Variants in ABCA7 observed in about 807,000 individuals in gnomAD.
ABCA7 encodes ATP binding cassette subfamily A member 7, also known as phospholipid-transporting ATPase ABCA7.
In ABCA7, 261 loss-of-function variants were observed where a neutral mutation model predicts 227.6. The ratio of observed to expected loss-of-function variants is 1.15; its 90% CI spans 1.04 to 1.27. ABCA7 has a LOEUF of 1.27. Ranked by LOEUF, ABCA7 falls within the 50% of genes most tolerant of loss-of-function variation. The pLI is 0.00. For synonymous variants in ABCA7, 1,488 were observed against 1,279.7 expected (o/e 1.16, Z -3.47); for missense variants, 3,331 against 2,924.5 (o/e 1.14, Z -3.21).
rs1253784168 is a variant in ABCA7, at chr19:1,056,948, T to C, written c.4628T>C (p.Val1543Ala). 1.9e-6 allele frequency: 3 copies of C among 1,613,922 alleles called. No individual in the cohort carries two copies. The highest frequency in any genetic ancestry group is 3.3e-5 in the Admixed American group (2 of 59,994). ...GACGTCCTCGTCTCCATCTGTGTGG[T>C]CTTTGCCATGTCCTTTGTCCCGGCC... ...SVDVLVSICV[V>A]FAMSFVPASF... Residue 1543 changes from valine (V) to alanine (A), a missense_variant, in exon 34 of 47, where the codon GTC becomes GCC. By Grantham distance (64) the Val-to-Ala change is moderately conservative. Coordinates refer to ENST00000263094, the MANE Select transcript of ABCA7 (RefSeq NM_019112.4). This position sits in a 1 kb window ranked among gnomAD's most constrained non-coding sequence, Gnocchi z 4.3.
In ABCA7 at chr19:1,042,172, C is replaced by A; in HGVS notation, c.411C>A (p.Ser137Arg). Reference sequence around the variant, plus strand: ...TCGCCACGCTGAGGGCTGCACGCAGCACGGGTGAGGAGGCCGGGGGGCCTC... The same window carrying A: ...TCGCCACGCTGAGGGCTGCACGCAGAACGGGTGAGGAGGCCGGGGGGCCTC... Reference protein sequence around the residue: ...KLIATLRAARSTAQPQPTKQS... With the variant: ...KLIATLRAARRTAQPQPTKQS... Residue 137 changes from serine to arginine, a missense_variant, in exon 5 of 47, where the codon AGC (serine) becomes AGA (arginine). By Grantham distance (110) the Ser-to-Arg change is moderately radical. Coordinates refer to ENST00000263094, the MANE Select transcript of ABCA7 (RefSeq NM_019112.4). The A allele has an allele frequency of 1.2e-6, 2 of 1,601,066 alleles. No individual in the cohort carries two copies. Among genetic ancestry groups the A allele is most frequent in the East Asian group, 2.2e-5 (1 of 44,790 alleles).
At position 1,048,971 on chromosome 19, in the gene ABCA7, T is replaced by C. The variant is rs778311659; in HGVS notation, c.2346T>C (p.Ser782=). ...GGTGCGGACCTCGGCCCCCCAAGAG[T>C]CCAGCCCCTTGCCCCACCCCGCTGG... ...SYWCGPRPPK[S]PAPCPTPLDP... Residue 782 remains serine, a synonymous_variant, in exon 17 of 47, where the codon AGT becomes AGC. Transcript: ENST00000263094. 1.2e-6 allele frequency: 2 copies of C among 1,603,188 alleles called. No homozygotes were observed. The highest frequency in any genetic ancestry group is 1.7e-6 in the Non-Finnish European group (2 of 1,175,640).
In ABCA7 at chr19:1,055,132, A is replaced by C; in HGVS notation, c.3986A>C (p.Lys1329Thr). The change falls in exon 30 of 47, where the codon AAG becomes ACG. Residue 1329 changes from lysine to threonine, a missense_variant. Physicochemically the swap from Lys to Thr is moderately conservative, Grantham distance 78. Coordinates refer to ENST00000263094, the MANE Select transcript of ABCA7 (RefSeq NM_019112.4). Reference sequence around the variant, plus strand: ...CCAGAAGTTCCTGCTGAAGTGGCCAAGGTCTTGGCCAGTGGCAACTGGACC... The same window carrying C: ...CCAGAAGTTCCTGCTGAAGTGGCCACGGTCTTGGCCAGTGGCAACTGGACC... The part of the protein sequence containing the change: ...SAPEVPAEVA[K>T]VLASGNWTPE... 6.2e-7 allele frequency: 1 copy of C among 1,612,902 alleles called. No individual in the cohort carries two copies. Among genetic ancestry groups the C allele is most frequent in the South Asian group, 1.1e-5 (1 of 91,066 alleles).
At position 1,062,293 on chromosome 19, in the gene ABCA7, C is replaced by G; in HGVS notation, c.5692C>G (p.Pro1898Ala). 1 of 1,606,886 alleles carries G rather than the reference C, an allele frequency of 6.2e-7. No individual in the cohort carries two copies. The highest frequency in any genetic ancestry group is 1.1e-5 in the South Asian group (1 of 91,044). Residue 1898 changes from proline (P) to alanine (A), a missense_variant, in exon 42 of 47, where the codon CCG becomes GCG. Transcript: ENST00000263094. Reference sequence around the variant, plus strand: ...GCTGCTTGCGCGCCTGCGCGGTGTCCCGGAGGCCCAGGTTGCCCAGGTGAG... The same window carrying G: ...GCTGCTTGCGCGCCTGCGCGGTGTCGCGGAGGCCCAGGTTGCCCAGGTGAG... ...LELLARLRGV[P>A]EAQVAQTAGS...
intron 43 of ABCA7, 36 bp from the exon 44 acceptor site, chr19:1,063,724 C>T (rs2042841284): frequency 1.9e-6 from 3 of 1,551,284 alleles, no homozygotes; most frequent in African/African-American, 1.4e-5. Context: ...GCGACGGAGG[C>T]GGGGCCTTGC....
Position 1,054,029 on chromosome 19 carries a change from T to C in ABCA7, c.3496T>C (p.Cys1166Arg), listed in dbSNP as rs1400230470. 3 of 1,613,168 alleles carry C rather than the reference T, an allele frequency of 1.9e-6. No homozygotes were observed. Among genetic ancestry groups the C allele is most frequent in the East Asian group, 2.2e-5 (1 of 44,890 alleles). The change falls in exon 26 of 47, where the codon TGC (cysteine) becomes CGC (arginine). Residue 1166 changes from cysteine to arginine, a missense_variant. By Grantham distance (180) the Cys-to-Arg change is radical (BLOSUM62 -3). Coordinates refer to ENST00000263094, the MANE Select transcript of ABCA7 (RefSeq NM_019112.4). This position sits in a 1 kb window ranked among gnomAD's most constrained non-coding sequence, Gnocchi z 4.8. Reference sequence around the variant, plus strand: ...AGATGGCAGCTGCGGGCAGCACCTATGCACAGGCATTGCTGGCCTAGACGT... The same window carrying C: ...AGATGGCAGCTGCGGGCAGCACCTACGCACAGGCATTGCTGGCCTAGACGT... The part of the protein sequence containing the change: ...MEDGSCGQHL[C>R]TGIAGLDVTL...
At chr19:1,055,853 C>G (rs997504679) in intron 30 of ABCA7, 54 bp from the exon 31 acceptor site, 12 of 1,505,416 alleles carry the variant, frequency 8.0e-6, no homozygotes, top group Middle Eastern at 1.8e-4. Flanking sequence ...CTCACCATCT[C>G]TCTCTCTGTC....
chr19:1,051,701 C>T (rs1336768398), intron 21 of ABCA7, 115 bp downstream of exon 21: 10 of 1,151,136 alleles, frequency 8.7e-6, no homozygotes, highest in Non-Finnish European at 1.2e-5. Context: ...CCACTTGTTG[C>T]TATGGCATTT....
Position 1,064,991 on chromosome 19 carries a change from G to A in ABCA7, c.6105G>A (p.Ala2035=). 1 of 1,555,460 alleles carries A rather than the reference G, an allele frequency of 6.4e-7. No homozygotes were observed. Residue 2035 remains alanine (A), a synonymous_variant, in exon 46 of 47, where the codon GCG becomes GCA. Coordinates refer to ENST00000263094, the MANE Select transcript of ABCA7 (RefSeq NM_019112.4). ...RVPAARSQPA[A]AFVAAEFPGA... ...CCGCCGCAAGGTCCCAGCCGGCAGC[G>A]GCCTTCGTGGCGGCCGAGTTCCCTG...
chr19:1,041,161 ACTCCACCCCTGGG>A, intron 1 of ABCA7, 51 bp from the exon 2 acceptor site: 1 of 622,442 alleles, frequency 1.6e-6, no homozygotes, highest in East Asian at 2.7e-5. Flanking sequence ...CCATTGGTTT[ACTCCACCCCTGGG>A]GTAGCGGAGC....
In ABCA7 at chr19:1,055,304, C is replaced by A. The variant is rs1568372241; in HGVS notation, c.4158C>A (p.Asn1386Lys). The part of the protein sequence containing the change: ...GEVVQNLTGR[N>K]LSDFLVKTYP... The stretch of plus-strand genomic sequence containing the variant: ...TGGTTCAGAACCTGACAGGCCGGAA[C>A]CTGTCTGACTTCCTGGTCAAGACCT... Residue 1386 changes from asparagine (N) to lysine (K), a missense_variant, in exon 30 of 47, where the codon AAC (asparagine) becomes AAA (lysine). By Grantham distance (94) the Asn-to-Lys change is moderately conservative. Transcript: ENST00000263094. The A allele has an allele frequency of 1.1e-5, 18 of 1,604,616 alleles. No individual in the cohort carries two copies. Among genetic ancestry groups the A allele is most frequent in the Non-Finnish European group, 1.5e-5 (18 of 1,177,300 alleles).
At position 1,045,055 on chromosome 19, in the gene ABCA7, G is replaced by C; in HGVS notation, c.1269G>C (p.Ser423=). ...EAAPSEAALV[S]RALQLLAEHR... is the part of the protein sequence containing the mutation. ...CACCCTCAGAGGCAGCCCTGGTGTC[G>C]CGGGCCCTGCAACTGCTCGCGGAAC... The change falls in exon 12 of 47, where the codon TCG becomes TCC. Residue 423 remains serine, a synonymous_variant. Coordinates refer to ENST00000263094, the MANE Select transcript of ABCA7 (RefSeq NM_019112.4). 1 of 1,612,846 alleles carries C rather than the reference G, an allele frequency of 6.2e-7. No individual in the cohort carries two copies. Among genetic ancestry groups the C allele is most frequent in the Non-Finnish European group, 8.5e-7 (1 of 1,179,978 alleles).
In ABCA7 at chr19:1,048,991, C is replaced by T. The variant is rs774301767; in HGVS notation, c.2366C>T (p.Pro789Leu). 14 of 1,593,386 alleles carry T rather than the reference C, an allele frequency of 8.8e-6. No individual in the cohort carries two copies. The highest frequency in any genetic ancestry group is 3.4e-5 in the South Asian group (3 of 88,472). Residue 789 changes from proline to leucine, a missense_variant, in exon 17 of 47, where the codon CCG becomes CTG. Coordinates refer to ENST00000263094, the MANE Select transcript of ABCA7 (RefSeq NM_019112.4). Reference sequence around the variant, plus strand: ...AAGAGTCCAGCCCCTTGCCCCACCCCGCTGGACCCAAAGGGTGAGGCACTA... The same window carrying T: ...AAGAGTCCAGCCCCTTGCCCCACCCTGCTGGACCCAAAGGGTGAGGCACTA... ...PPKSPAPCPT[P>L]LDPKVLVEEA...
At chr19:1,060,583 G>C (rs576615260) in intron 40 of ABCA7, among the ~76,000 whole-genome samples, 2 of 139,540 alleles carry the variant, frequency 1.4e-5, no homozygotes, top group African/African-American at 5.4e-5. Context: ...GCAGTGTCAC[G>C]ATCTCGGCTC....
In ABCA7 at chr19:1,041,992, T is replaced by A; in HGVS notation, c.302+20T>A. ...CTCCCTGTGAGCCAGAGGCAGTGGG[T>A]GCGGCCGGCCTGCAAACTCGGGGCT... On this transcript the variant is annotated intron_variant, in intron 4 of 46. Transcript: ENST00000263094. 6.3e-7 allele frequency: 1 copy of A among 1,576,742 alleles called. No individual in the cohort carries two copies. The highest frequency in any genetic ancestry group is 8.6e-7 in the Non-Finnish European group (1 of 1,166,506).
At position 1,047,186 on chromosome 19, in the gene ABCA7, G is replaced by C. The variant is rs148131395; in HGVS notation, c.1875G>C (p.Pro625=). ...KLGDILPYSH[P]GVVFLFLAAF... ...GAGACATCCTCCCCTACAGCCACCCGGGCGTGGTCTTCCTGTTCTTGGCAG... is the reference window on the plus strand; with the variant it reads ...GAGACATCCTCCCCTACAGCCACCCCGGCGTGGTCTTCCTGTTCTTGGCAG... Residue 625 remains proline (P), a synonymous_variant, in exon 15 of 47, where the codon CCG becomes CCC. Coordinates refer to ENST00000263094, the MANE Select transcript of ABCA7 (RefSeq NM_019112.4). The C allele has an allele frequency of 6.6e-5, 106 of 1,605,310 alleles. No homozygotes were observed. In the African/African-American group the frequency reaches 1.2e-3, roughly 18 times the overall value.
At chr19:1,058,468 C>A in intron 37 of ABCA7, 150 bp from the exon 38 acceptor site, 5 of 1,423,496 alleles carry the variant, frequency 3.5e-6, no homozygotes, top group South Asian at 2.7e-5. Context: ...TCACAAGAGG[C>A]CTCTTCTGTT....
rs750578569 is a variant in ABCA7 at position 1,056,818 on chromosome 19, A to T, written c.4587-89A>T. The T allele has an allele frequency of 2.8e-6, 4 of 1,412,410 alleles. No homozygotes were observed. Among genetic ancestry groups the T allele is most frequent in the Non-Finnish European group, 3.9e-6 (4 of 1,026,428 alleles). 87.5% of individuals were successfully genotyped at this position (1,412,410 alleles called of 1,614,324 possible). ...TCTGCCACTGCTGACTGCCCCATAGACCTTTGTCCCATCAATGGCGTGTTC... is the reference window on the plus strand; with the variant it reads ...TCTGCCACTGCTGACTGCCCCATAGTCCTTTGTCCCATCAATGGCGTGTTC... On this transcript the variant is annotated intron_variant, in intron 33 of 46. Coordinates refer to ENST00000263094, the MANE Select transcript of ABCA7 (RefSeq NM_019112.4). The surrounding 1 kb of genome is among the most constrained non-coding windows in gnomAD (Gnocchi z 4.3).
In ABCA7 at chr19:1,046,998, G is replaced by A. The variant is rs773749142; in HGVS notation, c.1819G>A (p.Ala607Thr). The A allele has an allele frequency of 7.0e-6, 11 of 1,576,206 alleles. No individual in the cohort carries two copies. In the East Asian group the frequency reaches 1.6e-4, roughly 23 times the overall value. ...CTGCCTCGGGCCCTTCCTGCTCAGC[G>A]CCGCACTGCTGGTTCTGGTGCTCAA... ...LSCLGPFLLS[A>T]ALLVLVLKLG... is the part of the protein sequence containing the mutation. Residue 607 changes from alanine (A) to threonine (T), a missense_variant, in exon 14 of 47, where the codon GCC (alanine) becomes ACC (threonine). Transcript: ENST00000263094.
Sources: gnomAD v4.1 joint callset for allele counts (sites outside exome capture counted in the v4.1 genomes callset) on GRCh38, gnomAD v4.1.1 for gene constraint, Gnocchi (gnomAD v3.1) non-coding constraint, MANE v1.5 for transcripts, NCBI Gene and HGNC (gene_info 2026-07-23, HGNC 2026-07-21) for gene names.